Variants in SCD5 observed in about 807,000 individuals in gnomAD.
SCD5 encodes acyl-CoA-desaturase 4.
Under a neutral mutation model 30.4 loss-of-function variants are expected in SCD5, and 20 were observed. That is an observed-to-expected ratio of 0.66 (90% CI 0.46 to 0.96). The LOEUF (loss-of-function observed/expected upper bound fraction) is 0.96, where lower values mean the gene tolerates loss of function less well. Ranked by LOEUF, SCD5 falls within the 40% of genes least tolerant of loss-of-function variation. The pLI is 0.00. For missense variants in SCD5, 381 were observed against 443.3 expected (o/e 0.86, Z 1.26); for synonymous variants, 173 against 176.4 (o/e 0.98, Z 0.16).
At chr4:82,660,960 T>G in intron 3 of SCD5, 3 of 1,614,182 alleles carry the variant, frequency 1.9e-6, no homozygotes, top group Non-Finnish European at 2.5e-6. Context: ...GTAACAAAGC[T>G]AAAATGTGTA....
At chr4:82,664,997 CTCTATATA>C (rs1209546160) in intron 3 of SCD5, among the ~76,000 whole-genome samples, 4 of 79,374 alleles carry the variant, frequency 5.0e-5, no homozygotes, top group African/African-American at 2.5e-4. Context: ...CTCTCTCTCT[CTCTATATA>C]TATATATATA....
At chr4:82,735,537 G>A (rs74438443) in intron 1 of SCD5, among the ~76,000 whole-genome samples, 1 of 152,140 alleles carries the variant, frequency 6.6e-6, no homozygotes, top group East Asian at 1.9e-4. Flanking sequence ...AATAAACGAC[G>A]CAGTGCGAAA....
intron 2 of SCD5, among the ~76,000 whole-genome samples, chr4:82,695,282 C>T (rs529738957): frequency 1.3e-5 from 2 of 152,180 alleles, no homozygotes; most frequent in South Asian, 4.2e-4. Flanking sequence ...GCTGGAGAGT[C>T]GTTTAATTTC....
intron 1 of SCD5, among the ~76,000 whole-genome samples, chr4:82,738,831 C>G (rs4591593): frequency 0.14 from 22,056 of 152,134 alleles, 2,828 homozygotes; most frequent in African/African-American, 0.35. Flanking sequence ...CGCTGTGACC[C>G]TAAAAAGCAC....
chr4:82,667,848 G>A (rs1162679626), intron 3 of SCD5, among the ~76,000 whole-genome samples: 1 of 152,192 alleles, frequency 6.6e-6, no homozygotes, highest in Non-Finnish European at 1.5e-5. Context: ...AGATGTAGTG[G>A]TTTGAGGTGA....
intron 1 of SCD5, among the ~76,000 whole-genome samples, chr4:82,719,162 A>C (rs6841367): frequency 0.041 from 6,212 of 151,886 alleles, 567 homozygotes; most frequent in African/African-American, 0.14. Context: ...CTCCTGAAAC[A>C]TGGAAAGATC....
intron 3 of SCD5, among the ~76,000 whole-genome samples, chr4:82,674,982 G>A (rs1728406492): frequency 6.6e-6 from 1 of 152,164 alleles, no homozygotes; most frequent in Non-Finnish European, 1.5e-5. Context: ...AGAGAGCGAT[G>A]AACAGACAGA....
At chr4:82,680,995 C>G (rs1728561056) in intron 2 of SCD5, 83 bp from the exon 3 acceptor site, 1 of 1,157,864 alleles carries the variant, frequency 8.6e-7, no homozygotes, top group Non-Finnish European at 1.3e-6. Flanking sequence ...CCTCCCCTCC[C>G]CCACCAGTCC....
chr4:82,739,536 G>A (rs866312373), intron 1 of SCD5, among the ~76,000 whole-genome samples: 9 of 152,248 alleles, frequency 5.9e-5, no homozygotes, highest in Non-Finnish European at 1.3e-4. Context: ...GCCACACTCC[G>A]CCTGCTGGTT....
At chr4:82,745,088 A>G (rs560690076) in intron 1 of SCD5, among the ~76,000 whole-genome samples, 27 of 152,292 alleles carry the variant, frequency 1.8e-4, no homozygotes, top group African/African-American at 6.5e-4. Context: ...CCTCAGGGCT[A>G]GGATTCACCA....
chr4:82,753,128 T>C (rs1236197924), intron 1 of SCD5, among the ~76,000 whole-genome samples: 1 of 149,660 alleles, frequency 6.7e-6, no homozygotes, highest in Non-Finnish European at 1.5e-5. Context: ...GTCTGCATTT[T>C]AGCAAGATCC....
rs79675371 is a variant in SCD5, at chr4:82,757,324, C to T, written c.232+40982G>A. The stretch of plus-strand genomic sequence containing the variant: ...AGATGGCTTCCCAGGACCCCGAACC[C>T]AGGAGGGCTCTTCACCCTGGGTTCC... On this transcript the variant is annotated intron_variant, in intron 1 of 4. Coordinates refer to ENST00000319540, the MANE Select transcript of SCD5 (RefSeq NM_001037582.3). Among the ~76,000 whole-genome samples the T allele has an allele frequency of 6.5e-3, 983 of 152,268 alleles. 11 individuals are homozygous for T. Among genetic ancestry groups the T allele is most frequent in the African/African-American group, 0.023 (935 of 41,548 alleles).
At chr4:82,683,188 A>C (rs1426563313) in intron 2 of SCD5, among the ~76,000 whole-genome samples, 7 of 152,234 alleles carry the variant, frequency 4.6e-5, no homozygotes, top group Non-Finnish European at 1.0e-4. Flanking sequence ...GGCTTACTGT[A>C]ATATGAAAGA....
chr4:82,719,225 A>G (rs1407915008), intron 1 of SCD5, among the ~76,000 whole-genome samples: 1 of 151,740 alleles, frequency 6.6e-6, no homozygotes. Context: ...TCCAGGAACT[A>G]CATACCCCTT....
At position 82,712,267 on chromosome 4, in the gene SCD5, TA is replaced by T. The variant is rs1560540744; in HGVS notation, c.233-6855del. 1.9e-4 allele frequency among the ~76,000 whole-genome samples: 9 copies of T among 46,226 alleles called. 2 individuals are homozygous for T. The highest frequency in any genetic ancestry group is 1.1e-3 in the African/African-American group (8 of 7,200). 30.3% of individuals were successfully genotyped at this position (46,226 alleles called of 152,430 possible). Reference sequence around the variant, plus strand: ...ACATATATATATATATATATATATATATATATATATATATATATATATATAT... The same window carrying T: ...ACATATATATATATATATATATATATTATATATATATATATATATATATAT... On this transcript the variant is annotated intron_variant, in intron 1 of 4. Transcript: ENST00000319540.
intron 1 of SCD5, among the ~76,000 whole-genome samples, chr4:82,723,320 A>G (rs1455715676): frequency 1.3e-5 from 2 of 152,152 alleles, no homozygotes; most frequent in African/African-American, 4.8e-5. Flanking sequence ...CCGCACCAAG[A>G]AGTTCTTTTC....
chr4:82,691,088 C>T (rs1014880536), intron 2 of SCD5, among the ~76,000 whole-genome samples: 3 of 152,136 alleles, frequency 2.0e-5, no homozygotes, highest in Admixed American at 6.5e-5. Flanking sequence ...TGCAGTGGTG[C>T]GATCTTGGCT....
chr4:82,731,125 C>A (rs1377447474), intron 1 of SCD5, among the ~76,000 whole-genome samples: 1 of 152,170 alleles, frequency 6.6e-6, no homozygotes, highest in East Asian at 1.9e-4. Context: ...AAAGGAACAA[C>A]AAAGTGTCAT....
chr4:82,792,861 G>A (rs1722128473), intron 1 of SCD5, among the ~76,000 whole-genome samples: 1 of 152,206 alleles, frequency 6.6e-6, no homozygotes, highest in African/African-American at 2.4e-5. Flanking sequence ...GTCAGGATTC[G>A]CACTGGTTTC....
Sources: allele counts gnomAD v4.1 joint callset (sites outside exome capture counted in the v4.1 genomes callset), GRCh38; gene constraint gnomAD v4.1.1; transcripts MANE v1.5; gene names NCBI Gene and HGNC (gene_info 2026-07-23, HGNC 2026-07-21).